SOX6: variants seen among roughly 807,000 people sequenced by gnomAD.
The protein encoded by SOX6 is SRY-box transcription factor 6.
Under a neutral mutation model 97.8 loss-of-function variants are expected in SOX6, and 11 were observed. That is an observed-to-expected ratio of 0.11 (90% CI 0.07 to 0.19). SOX6 has a LOEUF of 0.19. Among genes scored for constraint, SOX6 ranks in the 10% least tolerant of loss-of-function variants. SOX6 has a pLI of 1.00. For missense variants in SOX6, 810 were observed against 1,039.5 expected (o/e 0.78, Z 3.04); for synonymous variants, 360 against 371.4 (o/e 0.97, Z 0.35).
chr11:16,668,486 C>G (rs1051428782), intron 3 of SOX6, among the ~76,000 whole-genome samples: 2 of 152,084 alleles, frequency 1.3e-5, no homozygotes, highest in African/African-American at 2.4e-5. Flanking sequence ...GAAGAAAGGA[C>G]AGAAGGAAGA....
In SOX6 at chr11:16,255,698, AG is replaced by A. The variant is rs375273661; in HGVS notation, c.446-21028del. Among the ~76,000 whole-genome samples the A allele has an allele frequency of 3.3e-5, 5 of 152,154 alleles. No individual in the cohort carries two copies. The South Asian group carries it at 6.2e-4, about 19-fold the overall frequency. ...AAAAAGAAGAGCAAATTGAGTACAA[AG>A]TAAGAGAAGAAAAGAAATAATGAAA... On this transcript the variant is annotated intron_variant, in intron 3 of 15. Transcript: ENST00000683767.
intron 3 of SOX6, among the ~76,000 whole-genome samples, chr11:16,660,526 T>C (rs1203629735): frequency 3.9e-5 from 6 of 152,248 alleles, no homozygotes; most frequent in Admixed American, 2.6e-4. Context: ...TCTAGGTGAA[T>C]GCTCTATGTG....
At chr11:16,545,466 A>G (rs767457812) in intron 4 of SOX6, among the ~76,000 whole-genome samples, 1 of 152,198 alleles carries the variant, frequency 6.6e-6, no homozygotes, top group South Asian at 2.1e-4. Flanking sequence ...ACCTTAATGT[A>G]ATAAAGTCCA....
chr11:15,985,654 T>C (rs938101915), intron 15 of SOX6, among the ~76,000 whole-genome samples: 1 of 152,240 alleles, frequency 6.6e-6, no homozygotes, highest in Non-Finnish European at 1.5e-5. Flanking sequence ...AAAGCATGTC[T>C]AGTTTCTGAT....
chr11:16,089,782 C>G (rs1483657167), intron 9 of SOX6, among the ~76,000 whole-genome samples: 4 of 151,996 alleles, frequency 2.6e-5, no homozygotes, highest in Admixed American at 2.6e-4. Context: ...ATGTCTTTCT[C>G]CTGTTCTGCC....
At chr11:16,137,927 G>A (rs911007877) in intron 6 of SOX6, among the ~76,000 whole-genome samples, 2 of 152,114 alleles carry the variant, frequency 1.3e-5, no homozygotes, top group Admixed American at 1.3e-4. Flanking sequence ...TGCCATGATT[G>A]TAAGTTTCCT....
intron 6 of SOX6, among the ~76,000 whole-genome samples, chr11:16,178,013 G>A (rs994603974): frequency 6.6e-6 from 1 of 151,946 alleles, no homozygotes; most frequent in Non-Finnish European, 1.5e-5. Flanking sequence ...TGAAGTAACT[G>A]AAGGATAGCG....
At chr11:16,213,129 T>C (rs1456163438) in intron 4 of SOX6, among the ~76,000 whole-genome samples, 1 of 152,034 alleles carries the variant, frequency 6.6e-6, no homozygotes, top group Admixed American at 6.6e-5. Context: ...TAAATGACTC[T>C]AGGGTGGCAC....
At chr11:16,191,545 G>A (rs973222627) in intron 4 of SOX6, among the ~76,000 whole-genome samples, 1 of 152,188 alleles carries the variant, frequency 6.6e-6, no homozygotes, top group Non-Finnish European at 1.5e-5. Flanking sequence ...AACTTCTGAT[G>A]ATCTGCCCAG....
intron 6 of SOX6, among the ~76,000 whole-genome samples, chr11:16,116,218 A>G (rs1166513683): frequency 6.6e-6 from 1 of 152,186 alleles, no homozygotes; most frequent in Non-Finnish European, 1.5e-5. Context: ...TGATGACCAC[A>G]GCAGCTAATA....
At chr11:16,192,182 T>C (rs1385978119) in intron 4 of SOX6, among the ~76,000 whole-genome samples, 3 of 152,238 alleles carry the variant, frequency 2.0e-5, no homozygotes, top group East Asian at 3.8e-4. Context: ...TGCTACTGCA[T>C]GTGGCATTTT....
In SOX6 at chr11:16,591,656, C is replaced by T. The variant is rs192304261; in HGVS notation, n.609+20425G>A. Among the ~76,000 whole-genome samples the T allele has an allele frequency of 9.9e-5, 15 of 152,014 alleles. No homozygotes were observed. The East Asian group carries it at 2.7e-3, about 27-fold the overall frequency. On this transcript the variant is annotated intron_variant and non_coding_transcript_variant, in intron 4 of 5. Coordinates refer to the SOX6 transcript ENST00000524520. ...ATATTCTAACCTGTTTAGTGATGTTCCAAAAAGTTTCAACAGGTTTTGAGT... is the reference window on the plus strand; with the variant it reads ...ATATTCTAACCTGTTTAGTGATGTTTCAAAAAGTTTCAACAGGTTTTGAGT...
intron 2 of SOX6, among the ~76,000 whole-genome samples, chr11:16,326,877 T>C (rs923868055): frequency 6.6e-6 from 1 of 152,194 alleles, no homozygotes; most frequent in African/African-American, 2.4e-5. Context: ...TACTCACAGA[T>C]AAGGTACTTG....
At chr11:16,025,661 G>GA (rs1347083128) in intron 12 of SOX6, among the ~76,000 whole-genome samples, 2 of 152,052 alleles carry the variant, frequency 1.3e-5, no homozygotes, top group Non-Finnish European at 2.9e-5. Flanking sequence ...TACGAACCAA[G>GA]AATAAATATT....
At chr11:16,441,553 T>G (rs1404581877) in intron 1 of SOX6, among the ~76,000 whole-genome samples, 2 of 152,196 alleles carry the variant, frequency 1.3e-5, no homozygotes, top group African/African-American at 4.8e-5. Context: ...CAAAGCAATT[T>G]ATATTATTTA....
intron 6 of SOX6, among the ~76,000 whole-genome samples, chr11:16,158,865 GGTGTGTGTGT>G (rs10549567): frequency 4.1e-5 from 6 of 145,912 alleles, no homozygotes; most frequent in South Asian, 2.2e-4. Flanking sequence ...TGAAGTTACA[GGTGTGTGTGT>G]GTGTGTGTGT....
At chr11:16,583,614 C>CATATATATATATATATATACATATAT (rs1848053726) in intron 4 of SOX6, among the ~76,000 whole-genome samples, 4 of 104,702 alleles carry the variant, frequency 3.8e-5, no homozygotes, top group Admixed American at 3.0e-4. Context: ...TATATATATA[C>CATATATATATATATATATACATATAT]ATATATATAT....
intron 3 of SOX6, among the ~76,000 whole-genome samples, chr11:16,674,581 G>A (rs1362161558): frequency 6.6e-6 from 1 of 152,140 alleles, no homozygotes; most frequent in African/African-American, 2.4e-5. Flanking sequence ...ATAAAGGGCA[G>A]CCAAGGCTGG....
At chr11:16,017,864 G>A (rs1854934652) in intron 12 of SOX6, among the ~76,000 whole-genome samples, 1 of 152,028 alleles carries the variant, frequency 6.6e-6, no homozygotes, top group South Asian at 2.1e-4. Context: ...AGATATGTTG[G>A]AGATATAAGC....
Sources: gnomAD v4.1 joint callset for allele counts (sites outside exome capture counted in the v4.1 genomes callset) on GRCh38, gnomAD v4.1.1 for gene constraint, MANE v1.5 for transcripts, NCBI Gene and HGNC (gene_info 2026-07-23, HGNC 2026-07-21) for gene names.